AJAP1: variants seen among roughly 807,000 people sequenced by gnomAD.
The protein encoded by AJAP1 is adherens junctions associated protein 1.
In AJAP1, 5 loss-of-function variants were observed where a neutral mutation model predicts 35.0. That is an observed-to-expected ratio of 0.14 (90% CI 0.07 to 0.30). The LOEUF is 0.30. Ranked by LOEUF, AJAP1 falls within the 10% of genes least tolerant of loss-of-function variation. AJAP1 has a pLI of 1.00. For missense variants in AJAP1, 586 were observed against 571.0 expected, an observed-to-expected ratio of 1.03 and a Z score of -0.27; for synonymous variants, 284 against 249.3, an observed-to-expected ratio of 1.14 and a Z score of -1.31.
rs1162056664 is a variant in AJAP1 at position 4,784,383 on chromosome 1, G to C, written c.*1898G>C. ...ACTATATTTCTCACGCGTGGCCCAC[G>C]TGCAGCTTTAATTTCAGCAGTAGAG... On this transcript the variant is annotated 3_prime_UTR_variant, in exon 6 of 6. Transcript: ENST00000378191. 1 of 152,178 alleles carries C rather than the reference G, an allele frequency of 6.6e-6. No homozygotes were observed. The highest frequency in any genetic ancestry group is 2.4e-5 in the African/African-American group (1 of 41,440). The allele number at this position is 152,178 out of a possible 1,614,324, so 9.4% of individuals were successfully genotyped here. A position where few individuals can be genotyped will look rare whatever the true frequency, so the allele number is the denominator to read the frequency against.
At chr1:4,709,584 T>C (rs72638833) in intron 1 of AJAP1, among the ~76,000 whole-genome samples, 8,698 of 152,180 alleles carry the variant, frequency 0.057, 341 homozygotes, top group Middle Eastern at 0.085. Context: ...ATGGGAGAAT[T>C]AGAGATTCTA....
chr1:4,781,572 A>G (rs1378657466), intron 5 of AJAP1, among the ~76,000 whole-genome samples: 1 of 152,128 alleles, frequency 6.6e-6, no homozygotes, highest in Admixed American at 6.5e-5. Flanking sequence ...CCATCCTACC[A>G]CTTTCTGATA....
chr1:4,725,698 C>A (rs1640639319), intron 2 of AJAP1, among the ~76,000 whole-genome samples: 1 of 152,058 alleles, frequency 6.6e-6, no homozygotes, highest in African/African-American at 2.4e-5. Context: ...AAAATATGTT[C>A]TCCACCGTCC....
chr1:4,682,826 GTGGTGT>G (rs973768140), intron 1 of AJAP1, among the ~76,000 whole-genome samples: 1 of 152,160 alleles, frequency 6.6e-6, no homozygotes, highest in African/African-American at 2.4e-5. Flanking sequence ...GGTGATACTG[GTGGTGT>G]TGGTGATGGT....
At chr1:4,660,330 C>G (rs144662738) in intron 1 of AJAP1, among the ~76,000 whole-genome samples, 1 of 152,132 alleles carries the variant, frequency 6.6e-6, no homozygotes, top group Non-Finnish European at 1.5e-5. Flanking sequence ...GAGTGGGGAA[C>G]GGAAGGAAAG....
chr1:4,757,710 T>G (rs909590195), intron 2 of AJAP1, among the ~76,000 whole-genome samples: 2 of 152,226 alleles, frequency 1.3e-5, no homozygotes, highest in African/African-American at 4.8e-5. Flanking sequence ...GTTTGTAGCC[T>G]GTTCTGGATG....
chr1:4,763,892 C>G (rs942042505), intron 2 of AJAP1, among the ~76,000 whole-genome samples: 1 of 148,214 alleles, frequency 6.7e-6, no homozygotes, highest in East Asian at 2.0e-4. Flanking sequence ...CCACTTTCTC[C>G]CTCTCCGCCT....
chr1:4,725,364 A>G (rs963084654), intron 2 of AJAP1, among the ~76,000 whole-genome samples: 1 of 152,004 alleles, frequency 6.6e-6, no homozygotes, highest in African/African-American at 2.4e-5. Flanking sequence ...AGAATCCCGC[A>G]TCTTCTCGTG....
At chr1:4,713,295 C>A (rs1640310661) in intron 2 of AJAP1, among the ~76,000 whole-genome samples, 1 of 152,160 alleles carries the variant, frequency 6.6e-6, no homozygotes, top group South Asian at 2.1e-4. Context: ...CCTTCGCAGA[C>A]AGTGATTCAG....
intron 1 of AJAP1, among the ~76,000 whole-genome samples, chr1:4,694,491 G>T (rs1346423219): frequency 6.6e-6 from 1 of 152,202 alleles, no homozygotes; most frequent in Non-Finnish European, 1.5e-5. Flanking sequence ...GGACGCCCTG[G>T]TCAGGGGGAC....
chr1:4,748,769 A>G (rs936628548), intron 2 of AJAP1, among the ~76,000 whole-genome samples: 2 of 151,536 alleles, frequency 1.3e-5, no homozygotes, highest in Non-Finnish European at 2.9e-5. Flanking sequence ...AAAAAAAAAA[A>G]AAAAAGAATG....
rs773789716 is a variant in AJAP1, at chr1:4,712,413, C to T, written c.543C>T (p.Ile181=). ...GGCCCACCACAGAGACTGAGTTCAT[C>T]GCCTGGGGGCCCACGGGGGACGAGG... The part of the protein sequence containing the change: ...GSRPTTETEF[I]AWGPTGDEEA... Residue 181 remains isoleucine, a synonymous_variant, in exon 2 of 6, where the codon ATC becomes ATT. Transcript: ENST00000378191. The T allele has an allele frequency of 2.5e-6, 4 of 1,593,432 alleles. No individual in the cohort carries two copies. Among genetic ancestry groups the T allele is most frequent in the Admixed American group, 1.7e-5 (1 of 57,736 alleles).
chr1:4,705,543 G>A (rs1640084470), intron 1 of AJAP1, among the ~76,000 whole-genome samples: 1 of 151,228 alleles, frequency 6.6e-6, no homozygotes, highest in African/African-American at 2.4e-5. Context: ...AAACGTCCCT[G>A]GCAAATGCTA....
At chr1:4,732,848 G>A (rs1217787995) in intron 2 of AJAP1, among the ~76,000 whole-genome samples, 7 of 152,202 alleles carry the variant, frequency 4.6e-5, no homozygotes, top group African/African-American at 2.4e-5. Context: ...AGTCTGCTTC[G>A]AAAATTGGAG....
At chr1:4,677,135 C>T (rs770427046) in intron 1 of AJAP1, among the ~76,000 whole-genome samples, 13 of 152,108 alleles carry the variant, frequency 8.5e-5, no homozygotes, top group East Asian at 1.9e-4. Context: ...TCAGCCTGGG[C>T]GACAAAAGTG....
chr1:4,769,987 G>C (rs1459445468), intron 3 of AJAP1, 47 bp downstream of exon 3: 1 of 1,507,392 alleles, frequency 6.6e-7, no homozygotes, highest in East Asian at 2.3e-5. Flanking sequence ...GGACTACCGG[G>C]GTCCCTGGGT....
At chr1:4,762,580 C>A (rs1641591322) in intron 2 of AJAP1, among the ~76,000 whole-genome samples, 1 of 152,262 alleles carries the variant, frequency 6.6e-6, no homozygotes, top group African/African-American at 2.4e-5. Flanking sequence ...CATTTCTCCA[C>A]TGCAAGATGA....
At position 4,662,046 on chromosome 1, in the gene AJAP1, TTGTG is replaced by T. The variant is rs3086604; in HGVS notation, c.29+6610_29+6613del. On this transcript the variant is annotated intron_variant, in intron 1 of 5. Transcript: ENST00000378191. ...GAGTAAAAGGAATTGCCCTTTATAT[TTGTG>T]TGTGTGTGTGTGTGTGTCTGTGTGT... is the stretch of plus-strand genomic sequence containing the variant. Among the ~76,000 whole-genome samples the T allele has an allele frequency of 8.6e-4, 130 of 151,052 alleles. No homozygotes were observed. The South Asian group carries it at 0.016, about 19-fold the overall frequency.
At position 4,787,773 on chromosome 1, in the gene AJAP1, G is replaced by A. The variant is rs556039873; in HGVS notation, c.*5288G>A. ...GAGGATAAGGGGGTTCAACGTCAGC[G>A]ACTTGGCCCACGGGGCACGGGCACC... On this transcript the variant is annotated 3_prime_UTR_variant, in exon 6 of 6. Coordinates refer to ENST00000378191, the MANE Select transcript of AJAP1 (RefSeq NM_018836.4). The A allele has an allele frequency of 7.9e-5, 36 of 454,894 alleles. No homozygotes were observed. Among genetic ancestry groups the A allele is most frequent in the African/African-American group, 5.6e-4 (28 of 50,160 alleles). The allele number at this position is 454,894 out of a possible 1,614,324, so 28.2% of individuals were successfully genotyped here. A position where few individuals can be genotyped will look rare whatever the true frequency, so the allele number is the denominator to read the frequency against.
Sources: gnomAD v4.1 joint callset for allele counts (sites outside exome capture counted in the v4.1 genomes callset) on GRCh38, gnomAD v4.1.1 for gene constraint, MANE v1.5 for transcripts, NCBI Gene and HGNC (gene_info 2026-07-23, HGNC 2026-07-21) for gene names.